Variants in CNTLN observed in about 807,000 individuals in gnomAD.
The protein encoded by CNTLN is centlein.
CNTLN carries 212 observed loss-of-function variants against 180.0 expected under a neutral mutation model. The observed-to-expected ratio is 1.18, with a 90% CI of 1.05 to 1.32. The LOEUF (loss-of-function observed/expected upper bound fraction) is 1.32, where lower values mean the gene tolerates loss of function less well. Among genes scored for constraint, CNTLN ranks in the 40% most tolerant of loss-of-function variants. The pLI is 0.00. For synonymous variants in CNTLN, 722 were observed against 563.1 expected, an observed-to-expected ratio of 1.28 and a Z score of -3.99; for missense variants, 2,095 against 1,610.9, an observed-to-expected ratio of 1.30 and a Z score of -5.14.
chr9:17,178,865 G>A (rs575270892), intron 2 of CNTLN, among the ~76,000 whole-genome samples: 5 of 152,174 alleles, frequency 3.3e-5, no homozygotes, highest in South Asian at 2.1e-4. Flanking sequence ...CTCCTGAAGC[G>A]TGGCCAGAGT....
the CNTLN span, among the ~76,000 whole-genome samples, chr9:17,528,307 T>G: frequency 7.3e-3 from 1,107 of 152,350 alleles, 14 homozygotes; most frequent in African/African-American, 0.025. Context: ...TCATTGGTAA[T>G]ACTGTGTGTA....
At chr9:17,395,190 C>T in intron 15 of CNTLN, 121 bp downstream of exon 15, 1 of 1,378,410 alleles carries the variant, frequency 7.3e-7, no homozygotes, top group South Asian at 1.7e-5. Flanking sequence ...CTGTCAGATC[C>T]TTTGAAATAT....
At chr9:17,352,198 G>C (rs1822421368) in intron 12 of CNTLN, among the ~76,000 whole-genome samples, 1 of 151,878 alleles carries the variant, frequency 6.6e-6, no homozygotes, top group African/African-American at 2.4e-5. Flanking sequence ...CTACAGATCA[G>C]TGGCATAGCT....
intron 12 of CNTLN, among the ~76,000 whole-genome samples, chr9:17,345,955 G>T (rs769295556): frequency 7.2e-5 from 11 of 152,088 alleles, no homozygotes; most frequent in Non-Finnish European, 1.6e-4. Flanking sequence ...AAGTTGGCTG[G>T]TAAGAAATTC....
chr9:17,352,995 T>A (rs1157400107), intron 12 of CNTLN, among the ~76,000 whole-genome samples: 1 of 152,246 alleles, frequency 6.6e-6, no homozygotes, highest in Non-Finnish European at 1.5e-5. Context: ...ACATTTTGGC[T>A]ACTCTGAATA....
At chr9:17,526,135 C>G in the CNTLN span, among the ~76,000 whole-genome samples, 1 of 152,110 alleles carries the variant, frequency 6.6e-6, no homozygotes, top group East Asian at 1.9e-4. Flanking sequence ...CGGGATTTCA[C>G]CATGTTATCC....
chr9:17,421,021 A>T (rs1828681566), intron 18 of CNTLN, among the ~76,000 whole-genome samples: 1 of 152,146 alleles, frequency 6.6e-6, no homozygotes, highest in South Asian at 2.1e-4. Context: ...TAAGGAGAAG[A>T]ATGTGTATTC....
chr9:17,421,861 C>G (rs565905228), intron 18 of CNTLN, among the ~76,000 whole-genome samples: 15 of 152,220 alleles, frequency 9.9e-5, no homozygotes, highest in African/African-American at 3.6e-4. Flanking sequence ...CTAATATACA[C>G]TCTCCATTTT....
intron 13 of CNTLN, among the ~76,000 whole-genome samples, chr9:17,375,912 A>G (rs956077247): frequency 4.6e-5 from 7 of 152,180 alleles, no homozygotes; most frequent in Non-Finnish European, 1.0e-4. Flanking sequence ...TTAAAGATTG[A>G]TATGACAGGA....
At chr9:17,296,426 T>A (rs540812451) in intron 6 of CNTLN, among the ~76,000 whole-genome samples, 5 of 152,186 alleles carry the variant, frequency 3.3e-5, no homozygotes, top group Admixed American at 2.6e-4. Context: ...AAATGTCTTC[T>A]AACATGGGAA....
intron 2 of CNTLN, among the ~76,000 whole-genome samples, chr9:17,173,184 GAAT>G (rs539972634): frequency 2.9e-3 from 438 of 152,184 alleles, no homozygotes; most frequent in African/African-American, 9.7e-3. Context: ...CTATAATGCT[GAAT>G]AATAATATCT....
chr9:17,517,689 C>G, the CNTLN span, among the ~76,000 whole-genome samples: 1 of 152,072 alleles, frequency 6.6e-6, no homozygotes, highest in Non-Finnish European at 1.5e-5. Context: ...GACATTCTCT[C>G]CAGCAAGGCC....
intron 5 of CNTLN, among the ~76,000 whole-genome samples, chr9:17,261,621 G>A (rs1035270224): frequency 6.6e-6 from 1 of 151,346 alleles, no homozygotes; most frequent in Non-Finnish European, 1.5e-5. Context: ...CAGTGACAAG[G>A]GGTAACGTGA....
chr9:17,318,033 T>C (rs10118165), intron 8 of CNTLN, among the ~76,000 whole-genome samples: 122,874 of 148,072 alleles, frequency 0.83, 51,013 homozygotes, highest in Non-Finnish European at 0.86. Flanking sequence ...CTTTTCTTTT[T>C]TTTTTTTTTT....
At chr9:17,282,432 G>C (rs913810493) in intron 6 of CNTLN, among the ~76,000 whole-genome samples, 5 of 152,000 alleles carry the variant, frequency 3.3e-5, no homozygotes, top group African/African-American at 1.2e-4. Flanking sequence ...TTTTTAAATG[G>C]GGCTGTTTGT....
chr9:17,161,061 TG>T (rs1175009166), intron 2 of CNTLN, among the ~76,000 whole-genome samples: 1 of 152,178 alleles, frequency 6.6e-6, no homozygotes, highest in Non-Finnish European at 1.5e-5. Flanking sequence ...TTCATATTAA[TG>T]TAATTATTTG....
At chr9:17,443,334 A>G (rs1182789669) in intron 18 of CNTLN, among the ~76,000 whole-genome samples, 1 of 152,222 alleles carries the variant, frequency 6.6e-6, no homozygotes. Context: ...TACAAAGATA[A>G]TAGGACTCAT....
chr9:17,183,099 A>G (rs942203926), intron 2 of CNTLN, among the ~76,000 whole-genome samples: 6 of 152,182 alleles, frequency 3.9e-5, no homozygotes, highest in Middle Eastern at 3.2e-3. Context: ...TGAGTAGATA[A>G]TAGTGATGGA....
rs553702022 is a variant in CNTLN, at chr9:17,445,718, T to C, written c.3115-11806T>C. 7.6e-4 allele frequency among the ~76,000 whole-genome samples: 115 copies of C among 152,178 alleles called. 1 individual carries two copies. In the East Asian group the frequency reaches 0.014, roughly 19 times the overall value. ...TTGTCCAAGGTTTCTCCCCATGTGA[T>C]AGTCTGAAATATGGCCTCGTGGGAA... is the stretch of plus-strand genomic sequence containing the variant. On this transcript the variant is annotated intron_variant, in intron 18 of 25. Transcript: ENST00000380647.
Sources: allele counts gnomAD v4.1 joint callset (sites outside exome capture counted in the v4.1 genomes callset), GRCh38; gene constraint gnomAD v4.1.1; transcripts MANE v1.5; gene names NCBI Gene and HGNC (gene_info 2026-07-23, HGNC 2026-07-21).